Variants in ZCWPW2 observed in about 807,000 individuals in gnomAD.
ZCWPW2 encodes zinc finger CW-type PWWP domain protein 2.
ZCWPW2 carries 45 observed loss-of-function variants against 46.6 expected under a neutral mutation model. That is an observed-to-expected ratio of 0.96 (90% CI 0.76 to 1.24). The LOEUF (loss-of-function observed/expected upper bound fraction) is 1.24. Among genes scored for constraint, ZCWPW2 ranks in the 50% most tolerant of loss-of-function variants. The pLI, the probability that ZCWPW2 is intolerant of heterozygous loss-of-function variation, is 0.00. For missense variants in ZCWPW2, 429 were observed against 403.9 expected, an observed-to-expected ratio of 1.06 and a Z score of -0.53; for synonymous variants, 152 against 137.1, an observed-to-expected ratio of 1.11 and a Z score of -0.76.
chr3:28,417,211 C>G (rs1696623443), intron 3 of ZCWPW2, among the ~76,000 whole-genome samples: 1 of 151,996 alleles, frequency 6.6e-6, no homozygotes, highest in Admixed American at 6.6e-5. Context: ...GAAATACAAA[C>G]TACCATCAGA....
chr3:28,382,162 CAAAAAAAA>C (rs1237903671), intron 1 of ZCWPW2, among the ~76,000 whole-genome samples: 3 of 81,378 alleles, frequency 3.7e-5, no homozygotes, highest in African/African-American at 1.4e-4. Flanking sequence ...AACTGCATCT[CAAAAAAAA>C]AAAAAAAAAA....
intron 6 of ZCWPW2, among the ~76,000 whole-genome samples, chr3:28,512,793 C>T (rs952267113): frequency 1.3e-5 from 2 of 151,622 alleles, no homozygotes; most frequent in African/African-American, 2.4e-5. Flanking sequence ...CTATTTGGCT[C>T]TTCTTAAAAA....
At chr3:28,443,241 G>A (rs899802868) in intron 4 of ZCWPW2, among the ~76,000 whole-genome samples, 1 of 152,112 alleles carries the variant, frequency 6.6e-6, no homozygotes, top group Non-Finnish European at 1.5e-5. Context: ...TGAAATTTCT[G>A]ATCATTTCCA....
chr3:28,500,597 G>C (rs1278520815), intron 6 of ZCWPW2, among the ~76,000 whole-genome samples: 2 of 152,014 alleles, frequency 1.3e-5, no homozygotes, highest in Non-Finnish European at 2.9e-5. Context: ...TATGTTTTCT[G>C]ATAAAAAGTA....
intron 4 of ZCWPW2, among the ~76,000 whole-genome samples, chr3:28,454,774 TG>T (rs1366535762): frequency 6.6e-6 from 1 of 152,228 alleles, no homozygotes; most frequent in Non-Finnish European, 1.5e-5. Flanking sequence ...CTAAGGATAA[TG>T]GCCTCTGGCT....
chr3:28,512,691 T>A (rs1007897955), intron 6 of ZCWPW2, among the ~76,000 whole-genome samples: 7 of 152,140 alleles, frequency 4.6e-5, no homozygotes, highest in Admixed American at 2.0e-4. Context: ...CCAGAATAGT[T>A]ATTCTTTCTT....
chr3:28,524,800 A>G lies in ZCWPW2; in HGVS notation c.*112A>G. The G allele has an allele frequency of 3.3e-6, 3 of 915,176 alleles. No homozygotes were observed. Among genetic ancestry groups the G allele is most frequent in the South Asian group, 7.3e-5 (2 of 27,358 alleles). The allele number at this position is 915,176 out of a possible 1,614,324, so 56.7% of individuals were successfully genotyped here. On this transcript the variant is annotated 3_prime_UTR_variant, in exon 10 of 10. Transcript: ENST00000383768. ...ATAGGTATAAATTATACCAAAGTTTATATTTGCGGTAACTTTCTACTTCAT... is the reference window on the plus strand; with the variant it reads ...ATAGGTATAAATTATACCAAAGTTTGTATTTGCGGTAACTTTCTACTTCAT...
At chr3:28,492,097 T>C (rs200526562) in intron 5 of ZCWPW2, 30 bp from the exon 6 acceptor site, 144 of 1,605,476 alleles carry the variant, frequency 9.0e-5, no homozygotes, top group Non-Finnish European at 1.1e-4. Context: ...AGGCACTTTT[T>C]TGAAGCAGCC....
chr3:28,450,101 C>T (rs1038223903), intron 4 of ZCWPW2, among the ~76,000 whole-genome samples: 1 of 152,146 alleles, frequency 6.6e-6, no homozygotes, highest in Non-Finnish European at 1.5e-5. Flanking sequence ...TTTTAAGTTC[C>T]TTAAGCATTT....
At position 28,525,228 on chromosome 3, in the gene ZCWPW2, A is replaced by G. The variant is rs1384085582; in HGVS notation, c.*540A>G. On this transcript the variant is annotated 3_prime_UTR_variant, in exon 10 of 10. Coordinates refer to ENST00000383768, the MANE Select transcript of ZCWPW2 (RefSeq NM_001040432.4). ...TGGAATCAGTTATTTCAACCATGGTACCCAAAACTGACTGCTTAATAGAGT... is the reference window on the plus strand; with the variant it reads ...TGGAATCAGTTATTTCAACCATGGTGCCCAAAACTGACTGCTTAATAGAGT... 2.6e-5 allele frequency: 4 copies of G among 152,382 alleles called. No homozygotes were observed. The allele number at this position is 152,382 out of a possible 1,614,324, so 9.4% of individuals were successfully genotyped here.
chr3:28,442,810 C>T (rs574236563), intron 4 of ZCWPW2, among the ~76,000 whole-genome samples: 1 of 152,320 alleles, frequency 6.6e-6, no homozygotes, highest in East Asian at 1.9e-4. Flanking sequence ...GAGAGTTGAA[C>T]AGGGATGTGG....
intron 6 of ZCWPW2, 28 bp downstream of exon 6, chr3:28,492,201 A>G: frequency 6.4e-7 from 1 of 1,561,954 alleles, no homozygotes; most frequent in Non-Finnish European, 8.7e-7. Context: ...TATATAAAAT[A>G]TACAAACTTC....
chr3:28,432,848 C>A (rs1030122796), intron 3 of ZCWPW2, among the ~76,000 whole-genome samples: 1 of 152,006 alleles, frequency 6.6e-6, no homozygotes, highest in South Asian at 2.1e-4. Context: ...ATTACTGAGA[C>A]GAACTCATCT....
intron 1 of ZCWPW2, among the ~76,000 whole-genome samples, chr3:28,374,751 G>A (rs1464730885): frequency 6.6e-6 from 1 of 152,026 alleles, no homozygotes; most frequent in African/African-American, 2.4e-5. Context: ...AAATGGGATT[G>A]CTTTCTTGAG....
chr3:28,389,229 A>T (rs773761336), intron 1 of ZCWPW2, among the ~76,000 whole-genome samples: 3 of 152,178 alleles, frequency 2.0e-5, no homozygotes, highest in Non-Finnish European at 4.4e-5. Flanking sequence ...CCCTTGATTC[A>T]TGGATACAAG....
intron 1 of ZCWPW2, among the ~76,000 whole-genome samples, chr3:28,371,580 G>A (rs1705335508): frequency 6.6e-6 from 1 of 152,148 alleles, no homozygotes. Context: ...GATCACTTGA[G>A]CCCAGGAGTT....
chr3:28,473,319 A>G (rs949447686), intron 4 of ZCWPW2, among the ~76,000 whole-genome samples: 1 of 152,058 alleles, frequency 6.6e-6, no homozygotes, highest in Non-Finnish European at 1.5e-5. Context: ...TACTAAAAAT[A>G]CAAAAGTTGA....
At position 28,440,494 on chromosome 3, in the gene ZCWPW2, C is replaced by T. The variant is rs186876570; in HGVS notation, c.492+5225C>T. Among the ~76,000 whole-genome samples, 4 of 152,280 alleles carry T rather than the reference C, an allele frequency of 2.6e-5. No homozygotes were observed. The East Asian group carries it at 7.7e-4, about 29-fold the overall frequency. ...ATCCTGGCTGTGGGAGAAACAGTACCATATAATGGATGCTGATTCAGAACA... is the reference window on the plus strand; with the variant it reads ...ATCCTGGCTGTGGGAGAAACAGTACTATATAATGGATGCTGATTCAGAACA... On this transcript the variant is annotated intron_variant, in intron 4 of 9. Transcript: ENST00000383768.
intron 3 of ZCWPW2, among the ~76,000 whole-genome samples, chr3:28,433,000 T>C (rs1314903448): frequency 6.6e-6 from 1 of 152,132 alleles, no homozygotes; most frequent in African/African-American, 2.4e-5. Flanking sequence ...GACTATGGTA[T>C]CAGATAATCC....
Sources: allele counts gnomAD v4.1 joint callset (sites outside exome capture counted in the v4.1 genomes callset), GRCh38; gene constraint gnomAD v4.1.1; transcripts MANE v1.5; gene names NCBI Gene and HGNC (gene_info 2026-07-23, HGNC 2026-07-21).